FUT8: variants seen among roughly 807,000 people sequenced by gnomAD.
FUT8 encodes the protein alpha-(1,6)-fucosyltransferase.
In FUT8, 29 loss-of-function variants were observed where a neutral mutation model predicts 71.3. That is an observed-to-expected ratio of 0.41 (90% confidence interval 0.30 to 0.55). The LOEUF is 0.55. Among genes scored for constraint, FUT8 ranks in the 20% least tolerant of loss-of-function variants. FUT8 has a pLI of 0.34. For missense variants in FUT8, 544 were observed against 702.1 expected (o/e 0.77, Z 2.55); for synonymous variants, 254 against 239.3 (o/e 1.06, Z -0.57).
At chr14:65,534,952 C>T (rs1884196286) in intron 2 of FUT8, among the ~76,000 whole-genome samples, 1 of 151,304 alleles carries the variant, frequency 6.6e-6, no homozygotes, top group Admixed American at 6.6e-5. Context: ...TTTGGTTATT[C>T]TGCTAGCTTT....
chr14:65,734,942 C>T (rs951639842), intron 10 of FUT8, among the ~76,000 whole-genome samples: 3 of 152,084 alleles, frequency 2.0e-5, no homozygotes, highest in Non-Finnish European at 4.4e-5. Context: ...CCAGTAAGAC[C>T]CTCACTTAAA....
At position 65,465,700 on chromosome 14, in the gene FUT8, C is replaced by G. The variant is rs75968187; in HGVS notation, c.-228+9982C>G. ...TTTGTTAAGGTATATTTTGTAGTCT[C>G]TCTTTGTGAAATGTTCCCTGTGGAT... On this transcript the variant is annotated intron_variant, in intron 2 of 10. Transcript: ENST00000673929. Among the ~76,000 whole-genome samples the G allele has an allele frequency of 5.7e-3, 870 of 152,210 alleles. 31 individuals are homozygous for G. In the East Asian group the frequency reaches 0.093, roughly 16 times the overall value.
chr14:65,406,488 G>C (rs893092911), upstream of FUT8, among the ~76,000 whole-genome samples: 1 of 152,078 alleles, frequency 6.6e-6, no homozygotes, highest in African/African-American at 2.4e-5. Flanking sequence ...CCCTGTGCAG[G>C]GCTTGTTTTC....
rs1890687195 is a variant in FUT8 at position 65,638,657 on chromosome 14, C to T, written c.597+9051C>T. ...AAACATACATTTCAGCTTATGGAAC[C>T]CCTCACTCCAACACAGGATTTGCCT... On this transcript the variant is annotated intron_variant, in intron 6 of 10. Coordinates refer to ENST00000673929, the MANE Select transcript of FUT8 (RefSeq NM_001371533.1). This position sits in a 1 kb window ranked among gnomAD's most constrained non-coding sequence, Gnocchi z 4.5. 6.6e-6 allele frequency among the ~76,000 whole-genome samples: 1 copy of T among 151,972 alleles called. No homozygotes were observed. Among genetic ancestry groups the T allele is most frequent in the South Asian group, 2.1e-4 (1 of 4,810 alleles).
chr14:65,634,000 C>A (rs1400946602), intron 6 of FUT8, among the ~76,000 whole-genome samples: 5 of 151,900 alleles, frequency 3.3e-5, no homozygotes, highest in Admixed American at 2.6e-4. Context: ...GCGCCTCTGC[C>A]CGGCCACCGC....
At chr14:65,728,482 G>A (rs1022057652) in intron 9 of FUT8, among the ~76,000 whole-genome samples, 2 of 152,172 alleles carry the variant, frequency 1.3e-5, no homozygotes, top group Non-Finnish European at 2.9e-5. Context: ...CATGAGAACA[G>A]CACGGGAAAG....
chr14:65,518,862 T>C (rs1215093878), intron 2 of FUT8, among the ~76,000 whole-genome samples: 1 of 152,184 alleles, frequency 6.6e-6, no homozygotes, highest in East Asian at 1.9e-4. Context: ...GTTGGTGCCT[T>C]GCACATAATA....
chr14:65,372,754 G>A, the FUT8 span, among the ~76,000 whole-genome samples: 1 of 152,116 alleles, frequency 6.6e-6, no homozygotes, highest in Admixed American at 6.5e-5. Flanking sequence ...CCTGTTTCAT[G>A]GAGCAATTTT....
intron 2 of FUT8, among the ~76,000 whole-genome samples, chr14:65,491,372 T>G (rs1393829633): frequency 6.6e-6 from 1 of 152,104 alleles, no homozygotes; most frequent in Non-Finnish European, 1.5e-5. Context: ...CAAGTTAACT[T>G]TGCTTTTTAA....
chr14:65,732,208 G>T (rs1896014871), intron 9 of FUT8, among the ~76,000 whole-genome samples: 1 of 152,144 alleles, frequency 6.6e-6, no homozygotes, highest in South Asian at 2.1e-4. Context: ...CAGAGACTTT[G>T]CCTTTACAAT....
chr14:65,564,342 A>AT (rs1271099086), intron 3 of FUT8, among the ~76,000 whole-genome samples: 2 of 152,104 alleles, frequency 1.3e-5, no homozygotes, highest in Non-Finnish European at 2.9e-5. Flanking sequence ...TGAAACTACA[A>AT]TTTTTTAGAT....
chr14:65,441,392 C>T (rs1240495106), intron 1 of FUT8, among the ~76,000 whole-genome samples: 1 of 152,010 alleles, frequency 6.6e-6, no homozygotes, highest in Non-Finnish European at 1.5e-5. Flanking sequence ...AAAATTTGAA[C>T]CAAGCTTTCG....
At chr14:65,443,742 A>C (rs1566750939) in intron 1 of FUT8, among the ~76,000 whole-genome samples, 1 of 151,982 alleles carries the variant, frequency 6.6e-6, no homozygotes, top group Non-Finnish European at 1.5e-5. Context: ...AAGACACCCC[A>C]AAAAGTAGTT....
the FUT8 span, among the ~76,000 whole-genome samples, chr14:65,363,474 C>G: frequency 2.7e-4 from 41 of 152,184 alleles, no homozygotes; most frequent in Admixed American, 9.8e-4. Context: ...TTAGGCTTGT[C>G]TCGAACTCCT....
At position 65,618,065 on chromosome 14, in the gene FUT8, A is replaced by G. The variant is rs1246461601; in HGVS notation, c.482+1692A>G. On this transcript the variant is annotated intron_variant, in intron 5 of 10. Transcript: ENST00000673929. ...TATATATATATATATGTATGTATAT[A>G]TTTATTTATTTATTTTTTAGATGTG... Among the ~76,000 whole-genome samples the G allele has an allele frequency of 2.9e-5, 4 of 139,498 alleles. No individual in the cohort carries two copies. In the East Asian group the frequency reaches 8.2e-4, roughly 29 times the overall value. The allele number at this position is 139,498 out of a possible 152,430, so 91.5% of individuals were successfully genotyped here.
At chr14:65,723,068 C>T (rs1895500290) in intron 8 of FUT8, among the ~76,000 whole-genome samples, 1 of 151,372 alleles carries the variant, frequency 6.6e-6, no homozygotes, top group Admixed American at 6.6e-5. Context: ...AATCACAACA[C>T]TGGGAGGCTG....
chr14:65,563,502 C>T (rs952766661), intron 3 of FUT8, among the ~76,000 whole-genome samples: 6 of 151,962 alleles, frequency 3.9e-5, no homozygotes, highest in African/African-American at 1.4e-4. Context: ...AACTGTATTG[C>T]CTTCCTGAGC....
intron 2 of FUT8, among the ~76,000 whole-genome samples, chr14:65,466,068 G>T (rs2066039933): frequency 1.3e-5 from 2 of 152,046 alleles, no homozygotes; most frequent in Admixed American, 1.3e-4. Flanking sequence ...CCTTAAGCTT[G>T]CTCTTTCTGA....
chr14:65,577,533 A>G (rs1260436010), intron 3 of FUT8, among the ~76,000 whole-genome samples: 2 of 152,188 alleles, frequency 1.3e-5, no homozygotes, highest in East Asian at 1.9e-4. Flanking sequence ...TAGGTCCTCA[A>G]TAAACAGATT....
Sources: allele counts gnomAD v4.1 joint callset (sites outside exome capture counted in the v4.1 genomes callset), GRCh38; gene constraint gnomAD v4.1.1; non-coding constraint Gnocchi (gnomAD v3.1); transcripts MANE v1.5; gene names NCBI Gene and HGNC (gene_info 2026-07-23, HGNC 2026-07-21).